Variants in MTG2 observed in about 807,000 individuals in gnomAD.
The protein encoded by MTG2 is mitochondrial ribosome-associated GTPase 2.
MTG2 carries 23 observed loss-of-function variants against 28.6 expected under a neutral mutation model. That is an observed-to-expected ratio of 0.80 (90% confidence interval 0.58 to 1.14). The LOEUF (loss-of-function observed/expected upper bound fraction) is 1.14. Among genes scored for constraint, MTG2 ranks in the 50% most tolerant of loss-of-function variants. The pLI, the probability that MTG2 is intolerant of heterozygous loss-of-function variation, is 0.00. For missense variants in MTG2, 539 were observed against 552.0 expected (o/e 0.98, Z 0.24); for synonymous variants, 260 against 251.8 (o/e 1.03, Z -0.31).
chr20:62,194,817 C>T (rs2058030171), intron 2 of MTG2, among the ~76,000 whole-genome samples: 3 of 152,198 alleles, frequency 2.0e-5, no homozygotes, highest in Admixed American at 2.0e-4. Flanking sequence ...GCTGACCCTC[C>T]TGTGGTAGGA....
intron 1 of MTG2, among the ~76,000 whole-genome samples, chr20:62,186,997 C>T (rs2057862523): frequency 6.6e-6 from 1 of 152,152 alleles, no homozygotes; most frequent in Non-Finnish European, 1.5e-5. Flanking sequence ...TTCAGTATTT[C>T]TTCATTAAAT....
chr20:62,201,247 T>C lies in MTG2; in HGVS notation c.*170T>C. The C allele has an allele frequency of 1.3e-6, 1 of 788,288 alleles. No individual in the cohort carries two copies. Among genetic ancestry groups the C allele is most frequent in the Non-Finnish European group, 2.0e-6 (1 of 512,074 alleles). 48.8% of individuals were successfully genotyped at this position (788,288 alleles called of 1,614,324 possible). A position where few individuals can be genotyped will look rare whatever the true frequency, so the allele number is the denominator to read the frequency against. ...TGCCCTCATGTTGGGAAGCATTCCG[T>C]GCCCCCTACCCCGCCTGCCCTCCGT... is the stretch of plus-strand genomic sequence containing the variant. On this transcript the variant is annotated 3_prime_UTR_variant, in exon 7 of 7. Transcript: ENST00000370823.
intron 6 of MTG2, 110 bp downstream of exon 6, chr20:62,199,367 C>T: frequency 1.4e-6 from 2 of 1,392,752 alleles, no homozygotes; most frequent in Middle Eastern, 2.0e-4. Context: ...CATTGTTGGC[C>T]AGGCGTGGTG....
At chr20:62,195,668 G>A (rs1009583388) in intron 2 of MTG2, 134 bp from the exon 3 acceptor site, 46 of 1,042,576 alleles carry the variant, frequency 4.4e-5, no homozygotes, top group Non-Finnish European at 6.2e-5. Flanking sequence ...GAAGTGATTA[G>A]CAATATTAGT....
At chr20:62,200,372 T>G (rs571117917) in intron 6 of MTG2, 5 of 291,812 alleles carry the variant, frequency 1.7e-5, no homozygotes, top group East Asian at 1.3e-4. Flanking sequence ...ATTTTCCTCT[T>G]TTTTGAATCC....
Position 62,199,133 on chromosome 20 carries a change from C to G in MTG2, c.702C>G (p.Asn234Lys). 6.2e-7 allele frequency: 1 copy of G among 1,614,116 alleles called. No homozygotes were observed. The highest frequency in any genetic ancestry group is 8.5e-7 in the Non-Finnish European group (1 of 1,180,018). Residue 234 changes from asparagine (N) to lysine (K), a missense_variant, in exon 6 of 7, where the codon AAC (asparagine) becomes AAG (lysine). By Grantham distance (94) the Asn-to-Lys change is moderately conservative. Coordinates refer to ENST00000370823, the MANE Select transcript of MTG2 (RefSeq NM_015666.4). ...CTTTCCCCCAGGTGGGATTCCCCAA[C>G]GCCGGGAAGTCCTCACTGCTCCGGG... is the stretch of plus-strand genomic sequence containing the variant. The part of the protein sequence containing the change: ...VAHAGMVGFP[N>K]AGKSSLLRAI...
At position 62,197,891 on chromosome 20, in the gene MTG2, G is replaced by A. The variant is rs201214722; in HGVS notation, c.392G>A (p.Arg131Gln). The A allele has an allele frequency of 2.4e-5, 38 of 1,614,174 alleles. No homozygotes were observed. The highest frequency in any genetic ancestry group is 1.7e-4 in the African/African-American group (13 of 75,042). The change falls in exon 4 of 7, where the codon CGG (arginine) becomes CAG (glutamine). Residue 131 changes from arginine to glutamine, a missense_variant. Transcript: ENST00000370823. The part of the protein sequence containing the change: ...QVKSLSSVLS[R>Q]YQGFSGEDGG... ...AAGTCCCTGTCGTCGGTCCTGTCGCGGTACCAGGGTTTCAGTGGAGAAGAT... is the reference window on the plus strand; with the variant it reads ...AAGTCCCTGTCGTCGGTCCTGTCGCAGTACCAGGGTTTCAGTGGAGAAGAT...
intron 1 of MTG2, among the ~76,000 whole-genome samples, chr20:62,187,521 A>G (rs1013521586): frequency 6.6e-6 from 1 of 152,228 alleles, no homozygotes; most frequent in Non-Finnish European, 1.5e-5. Flanking sequence ...GAGTAGATAC[A>G]GGGCTATTCT....
chr20:62,191,376 C>G (rs1415183615), intron 1 of MTG2, among the ~76,000 whole-genome samples: 2 of 152,204 alleles, frequency 1.3e-5, no homozygotes, highest in East Asian at 3.9e-4. Flanking sequence ...GGAGGGGACA[C>G]CATTTTCTCT....
chr20:62,185,904 C>T (rs1321218219), intron 1 of MTG2, among the ~76,000 whole-genome samples: 1 of 152,142 alleles, frequency 6.6e-6, no homozygotes, highest in Non-Finnish European at 1.5e-5. Flanking sequence ...GGGGAGAGAG[C>T]ACAGCACTCA....
chr20:62,199,422 G>A, intron 6 of MTG2, 165 bp downstream of exon 6: 1 of 754,878 alleles, frequency 1.3e-6, no homozygotes, highest in South Asian at 2.0e-5. Flanking sequence ...GAGGCAGGCG[G>A]ATCACGAGGT....
chr20:62,203,245 G>A lies in MTG2; in HGVS notation c.*2168G>A, dbSNP rs1047164. 0.25 allele frequency: 37,969 copies of A among 152,164 alleles called. 4,939 individuals carry two copies. The highest frequency in any genetic ancestry group is 0.39 in the South Asian group (1,879 of 4,818). 9.4% of individuals were successfully genotyped at this position (152,164 alleles called of 1,614,324 possible). ...TCCCCGTGGGTTGAAACCTTGATCT[G>A]GGCCTGACTGTGGCTGCTCTGGGGA... On this transcript the variant is annotated 3_prime_UTR_variant, in exon 7 of 7. Coordinates refer to ENST00000370823, the MANE Select transcript of MTG2 (RefSeq NM_015666.4).
chr20:62,193,253 C>G (rs1017749792), intron 1 of MTG2, among the ~76,000 whole-genome samples, 163 bp from the exon 2 acceptor site: 2 of 152,168 alleles, frequency 1.3e-5, no homozygotes, highest in African/African-American at 4.8e-5. Context: ...AGACGTGACC[C>G]AGGGCCGAGA....
chr20:62,198,150 G>T, intron 4 of MTG2, 183 bp downstream of exon 4: 1 of 596,160 alleles, frequency 1.7e-6, no homozygotes, highest in East Asian at 2.8e-5. Flanking sequence ...AAACCCAGAC[G>T]GGCATTTGTA....
Position 62,201,223 on chromosome 20 carries a change from G to T in MTG2, c.*146G>T. 7 of 984,770 alleles carry T rather than the reference G, an allele frequency of 7.1e-6. No homozygotes were observed. Among genetic ancestry groups the T allele is most frequent in the Non-Finnish European group, 1.0e-5 (7 of 690,676 alleles). The allele number at this position is 984,770 out of a possible 1,614,324, so 61.0% of individuals were successfully genotyped here. A position where few individuals can be genotyped will look rare whatever the true frequency, so the allele number is the denominator to read the frequency against. Reference sequence around the variant, plus strand: ...TGGGCCCCGCCTGCTGGCCTGAGATGCCCTCATGTTGGGAAGCATTCCGTG... The same window carrying T: ...TGGGCCCCGCCTGCTGGCCTGAGATTCCCTCATGTTGGGAAGCATTCCGTG... On this transcript the variant is annotated 3_prime_UTR_variant, in exon 7 of 7. Transcript: ENST00000370823.
Position 62,193,543 on chromosome 20 carries a change from C to G in MTG2, c.123C>G (p.Pro41=), listed in dbSNP as rs749913054. Residue 41 remains proline, a synonymous_variant, in exon 2 of 7, where the codon CCC becomes CCG. Coordinates refer to ENST00000370823, the MANE Select transcript of MTG2 (RefSeq NM_015666.4). ...GGCTACTGCCACAGCGGGCTTCTCC[C>G]AGGCTGCTCTCGGTCGGCCGTGCGG... ...PSRLLPQRAS[P]RLLSVGRADL... is the part of the protein sequence containing the mutation. 6.2e-7 allele frequency: 1 copy of G among 1,614,022 alleles called. No individual in the cohort carries two copies. Among genetic ancestry groups the G allele is most frequent in the Non-Finnish European group, 8.5e-7 (1 of 1,180,054 alleles).
At position 62,200,825 on chromosome 20, in the gene MTG2, T is replaced by C. The variant is rs1260672295; in HGVS notation, c.969T>C (p.Asp323=). Residue 323 remains aspartate, a synonymous_variant, in exon 7 of 7, where the codon GAT becomes GAC. Coordinates refer to ENST00000370823, the MANE Select transcript of MTG2 (RefSeq NM_015666.4). ...SQPEPWTQVD[D]LKYELEMYEK... is the part of the protein sequence containing the mutation. ...CTGAGCCGTGGACTCAAGTTGACGA[T>C]TTAAAATATGAACTGGAGATGTATG... is the stretch of plus-strand genomic sequence containing the variant. 6.2e-7 allele frequency: 1 copy of C among 1,613,938 alleles called. No individual in the cohort carries two copies. The highest frequency in any genetic ancestry group is 2.2e-5 in the East Asian group (1 of 44,888).
chr20:62,183,400 A>G (rs985271522), intron 1 of MTG2, among the ~76,000 whole-genome samples: 1 of 152,238 alleles, frequency 6.6e-6, no homozygotes, highest in East Asian at 1.9e-4. Context: ...GTTCCGAGTC[A>G]AGTTGTTAGG....
intron 3 of MTG2, among the ~76,000 whole-genome samples, chr20:62,196,186 A>T (rs1385645929): frequency 6.8e-6 from 1 of 148,122 alleles, no homozygotes; most frequent in Non-Finnish European, 1.5e-5. Flanking sequence ...TTTTTGCCTC[A>T]AGGTTTGTGG....
Sources: gnomAD v4.1 joint callset for allele counts (sites outside exome capture counted in the v4.1 genomes callset) on GRCh38, gnomAD v4.1.1 for gene constraint, MANE v1.5 for transcripts, NCBI Gene and HGNC (gene_info 2026-07-23, HGNC 2026-07-21) for gene names.